The following CTNND2 variants were observed in gnomAD, a reference collection of about 807,000 sequenced individuals.
CTNND2 encodes catenin delta-2.
Under a neutral mutation model 144.4 loss-of-function variants are expected in CTNND2, and 22 were observed. The ratio of observed to expected loss-of-function variants is 0.15; its 90% CI spans 0.11 to 0.22. The LOEUF is 0.22. Among genes scored for constraint, CTNND2 ranks in the 10% least tolerant of loss-of-function variants. The pLI is 1.00. For missense variants in CTNND2, 1,353 were observed against 1,618.8 expected, an observed-to-expected ratio of 0.84 and a Z score of 2.82; for synonymous variants, 751 against 695.6, an observed-to-expected ratio of 1.08 and a Z score of -1.25.
intron 9 of CTNND2, among the ~76,000 whole-genome samples, chr5:11,300,624 CT>C (rs61271659): frequency 0.14 from 19,813 of 145,628 alleles, 1,364 homozygotes; most frequent in Admixed American, 0.2. Context: ...AGACAAACAA[CT>C]TTTTTTTTTT....
intron 12 of CTNND2, among the ~76,000 whole-genome samples, chr5:11,137,209 G>A (rs1756245940): frequency 1.3e-5 from 2 of 152,164 alleles, no homozygotes; most frequent in Non-Finnish European, 2.9e-5. Flanking sequence ...AAAGCCATAT[G>A]AGGAATTAAT....
chr5:11,787,374 AAT>A (rs2126860997), intron 1 of CTNND2, among the ~76,000 whole-genome samples: 1 of 152,288 alleles, frequency 6.6e-6, no homozygotes, highest in Admixed American at 6.5e-5. Flanking sequence ...CAACAACACT[AAT>A]AACTGTAATG....
chr5:11,405,409 T>C (rs141126922), intron 5 of CTNND2, among the ~76,000 whole-genome samples: 3 of 152,252 alleles, frequency 2.0e-5, no homozygotes, highest in East Asian at 1.9e-4. Context: ...GGAGGAAATC[T>C]AAGTGAAATC....
At chr5:11,689,358 A>G (rs566055166) in intron 2 of CTNND2, among the ~76,000 whole-genome samples, 1 of 152,370 alleles carries the variant, frequency 6.6e-6, no homozygotes, top group Non-Finnish European at 1.5e-5. Context: ...ATGGTAAAAC[A>G]TAATTAAAAT....
chr5:11,426,180 T>C (rs1263683773), intron 3 of CTNND2, among the ~76,000 whole-genome samples: 2 of 152,210 alleles, frequency 1.3e-5, no homozygotes, highest in Non-Finnish European at 2.9e-5. Context: ...GTAGCCCCCC[T>C]TGAAAAACAC....
rs568369080 is a variant in CTNND2 at position 11,751,412 on chromosome 5, G to A, written c.38-19140C>T. Among the ~76,000 whole-genome samples, 4 of 151,910 alleles carry A rather than the reference G, an allele frequency of 2.6e-5. No individual in the cohort carries two copies. The South Asian group carries it at 8.3e-4, about 31-fold the overall frequency. ...ACCCTACACCCTCAAATAGGTCCCA[G>A]TGTCTGTTGTTCCCTTCTTTGTGTC... is the stretch of plus-strand genomic sequence containing the variant. On this transcript the variant is annotated intron_variant, in intron 1 of 21. Coordinates refer to ENST00000304623, the MANE Select transcript of CTNND2 (RefSeq NM_001332.4).
chr5:11,560,974 G>A (rs2727610), intron 3 of CTNND2, among the ~76,000 whole-genome samples: 38,346 of 152,044 alleles, frequency 0.25, 5,630 homozygotes, highest in African/African-American at 0.41. Context: ...TAAGGTTAAC[G>A]GAGAGTATGA....
chr5:11,576,286 T>C (rs1364839140), intron 2 of CTNND2, among the ~76,000 whole-genome samples: 1 of 152,080 alleles, frequency 6.6e-6, no homozygotes, highest in African/African-American at 2.4e-5. Flanking sequence ...AATGTGATTA[T>C]GTTACTCATT....
At chr5:11,629,459 T>A (rs1021725917) in intron 2 of CTNND2, among the ~76,000 whole-genome samples, 1 of 152,128 alleles carries the variant, frequency 6.6e-6, no homozygotes, top group Non-Finnish European at 1.5e-5. Flanking sequence ...GATAATAGTA[T>A]TTGTTTAGAA....
intron 16 of CTNND2, among the ~76,000 whole-genome samples, chr5:11,053,849 G>C (rs992823589): frequency 6.6e-6 from 1 of 152,204 alleles, no homozygotes; most frequent in Admixed American, 6.6e-5. Flanking sequence ...TGGCGACACT[G>C]CTTCATTGTT....
intron 11 of CTNND2, among the ~76,000 whole-genome samples, chr5:11,186,078 C>T (rs1186555095): frequency 6.6e-6 from 1 of 152,204 alleles, no homozygotes; most frequent in Non-Finnish European, 1.5e-5. Context: ...TTCCTTTAAG[C>T]CTTTATACAA....
chr5:11,162,108 G>A (rs1758827870), intron 11 of CTNND2, among the ~76,000 whole-genome samples: 3 of 151,748 alleles, frequency 2.0e-5, no homozygotes, highest in African/African-American at 4.9e-5. Context: ...AGCTGAGATC[G>A]TGCCACTGTA....
At chr5:11,850,417 T>A (rs1400749634) in intron 1 of CTNND2, among the ~76,000 whole-genome samples, 1 of 152,206 alleles carries the variant, frequency 6.6e-6, no homozygotes. Flanking sequence ...AACTTCTCAT[T>A]GATATAGAAA....
intron 2 of CTNND2, among the ~76,000 whole-genome samples, chr5:11,643,214 TA>T (rs66464790): frequency 0.069 from 10,345 of 150,416 alleles, 473 homozygotes; most frequent in Non-Finnish European, 0.11. Flanking sequence ...TTTAATATTT[TA>T]TTTTTTATTT....
intron 2 of CTNND2, among the ~76,000 whole-genome samples, chr5:11,701,188 G>T (rs889233783): frequency 6.6e-6 from 1 of 152,100 alleles, no homozygotes; most frequent in Non-Finnish European, 1.5e-5. Flanking sequence ...GACATAGCAG[G>T]CTTTCTGAGT....
chr5:11,176,685 T>A (rs1248757524), intron 11 of CTNND2, among the ~76,000 whole-genome samples: 2 of 152,140 alleles, frequency 1.3e-5, no homozygotes. Flanking sequence ...CTTGCAATAA[T>A]GGGAACTCAA....
intron 9 of CTNND2, among the ~76,000 whole-genome samples, chr5:11,331,470 G>C (rs1753134753): frequency 6.6e-6 from 1 of 152,114 alleles, no homozygotes; most frequent in African/African-American, 2.4e-5. Flanking sequence ...CAGTTACTAA[G>C]GGTAATTTTT....
At position 11,236,829 on chromosome 5, in the gene CTNND2, C is replaced by G. The variant is rs553794941; in HGVS notation, c.1629-6G>C. 1.2e-6 allele frequency: 2 copies of G among 1,613,984 alleles called. No homozygotes were observed. Among genetic ancestry groups the G allele is most frequent in the East Asian group, 4.5e-5 (2 of 44,874 alleles). ...GGTCTCTCCATCCAAATTCTCTGAACAAAAGGAAAGAAGCGGGGAGAATAT... is the reference window on the plus strand; with the variant it reads ...GGTCTCTCCATCCAAATTCTCTGAAGAAAAGGAAAGAAGCGGGGAGAATAT... On this transcript the variant is annotated splice_polypyrimidine_tract_variant and splice_region_variant and intron_variant, in intron 9 of 21. Coordinates refer to ENST00000304623, the MANE Select transcript of CTNND2 (RefSeq NM_001332.4).
At chr5:11,416,804 A>C (rs1461204086) in intron 3 of CTNND2, among the ~76,000 whole-genome samples, 1 of 152,192 alleles carries the variant, frequency 6.6e-6, no homozygotes, top group Non-Finnish European at 1.5e-5. Flanking sequence ...GTTTGCTTTT[A>C]CTGCTGAAAT....
Sources: allele counts gnomAD v4.1 joint callset (sites outside exome capture counted in the v4.1 genomes callset), GRCh38; gene constraint gnomAD v4.1.1; transcripts MANE v1.5; gene names NCBI Gene and HGNC (gene_info 2026-07-23, HGNC 2026-07-21).